The following ABHD2 variants were observed in gnomAD, a reference collection of about 807,000 sequenced individuals.
ABHD2 encodes the protein monoacylglycerol lipase ABHD2.
In ABHD2, 20 loss-of-function variants were observed where a neutral mutation model predicts 48.1. The ratio of observed to expected loss-of-function variants is 0.42; its 90% CI spans 0.29 to 0.60. The LOEUF is 0.60. Among genes scored for constraint, ABHD2 ranks in the 20% least tolerant of loss-of-function variants. The pLI, the probability that ABHD2 is intolerant of heterozygous loss-of-function variation, is 0.24. For synonymous variants in ABHD2, 209 were observed against 214.2 expected (o/e 0.98, Z 0.21); for missense variants, 405 against 550.9 (o/e 0.74, Z 2.65).
rs2150767860 is a variant in ABHD2 at position 89,091,039 on chromosome 15, A to G, written c.-107+2476A>G. On this transcript the variant is annotated intron_variant, in intron 1 of 10. Coordinates refer to ENST00000352732, the MANE Select transcript of ABHD2 (RefSeq NM_152924.5). The surrounding 1 kb of genome is among the most constrained non-coding windows in gnomAD (Gnocchi z 5.5). Reference sequence around the variant, plus strand: ...ATCTGTGTTTTTCCTGTTCTTTTCCAAAGCTTGAAATAAACCAGATGGCAA... The same window carrying G: ...ATCTGTGTTTTTCCTGTTCTTTTCCGAAGCTTGAAATAAACCAGATGGCAA... Among the ~76,000 whole-genome samples the G allele has an allele frequency of 6.6e-6, 1 of 152,302 alleles. No individual in the cohort carries two copies. The highest frequency in any genetic ancestry group is 2.4e-5 in the African/African-American group (1 of 41,558).
chr15:89,120,346 G>C lies in ABHD2; in HGVS notation c.194+3825G>C, dbSNP rs1009165372. Among the ~76,000 whole-genome samples the C allele has an allele frequency of 2.6e-5, 4 of 151,956 alleles. No individual in the cohort carries two copies. The highest frequency in any genetic ancestry group is 6.6e-5 in the Admixed American group (1 of 15,252). On this transcript the variant is annotated intron_variant, in intron 3 of 10. Coordinates refer to ENST00000352732, the MANE Select transcript of ABHD2 (RefSeq NM_152924.5). This position sits in a 1 kb window ranked among gnomAD's most constrained non-coding sequence, Gnocchi z 4.2. The stretch of plus-strand genomic sequence containing the variant: ...TTTACTTTTAGTGAAACAAGCAGAC[G>C]CCCAGTTCGGAATTATGACAAAAAT...
At chr15:89,061,368 A>T in the ABHD2 span, among the ~76,000 whole-genome samples, 6 of 152,076 alleles carry the variant, frequency 3.9e-5, no homozygotes, top group Admixed American at 3.3e-4. Context: ...CAGTGAGCTG[A>T]GATCACACCA....
the ABHD2 span, among the ~76,000 whole-genome samples, chr15:89,056,585 G>T: frequency 6.6e-6 from 1 of 152,124 alleles, no homozygotes; most frequent in Non-Finnish European, 1.5e-5. Flanking sequence ...GGAATTTGCA[G>T]TGAGCCGAGT....
At chr15:89,159,798 A>T (rs575979741) in intron 5 of ABHD2, among the ~76,000 whole-genome samples, 1 of 151,834 alleles carries the variant, frequency 6.6e-6, no homozygotes, top group African/African-American at 2.4e-5. Flanking sequence ...ATTTTATTTC[A>T]TCAGAATTTT....
At chr15:89,070,984 C>G in the ABHD2 span, among the ~76,000 whole-genome samples, 8 of 152,150 alleles carry the variant, frequency 5.3e-5, no homozygotes, top group East Asian at 7.7e-4. Flanking sequence ...GTGTGCCCCC[C>G]GCTTGCTCTC....
At chr15:89,054,496 C>T in the ABHD2 span, among the ~76,000 whole-genome samples, 2 of 151,726 alleles carry the variant, frequency 1.3e-5, no homozygotes, top group Admixed American at 1.3e-4. Flanking sequence ...GCCTGACCAA[C>T]AGGATGAAAC....
At chr15:89,070,917 T>C in the ABHD2 span, among the ~76,000 whole-genome samples, 290 of 152,112 alleles carry the variant, frequency 1.9e-3, no homozygotes, top group Middle Eastern at 0.01. Context: ...GGCTCTGCCG[T>C]CCGGAAGGGC....
At chr15:89,122,430 G>T (rs1345055216) in intron 3 of ABHD2, among the ~76,000 whole-genome samples, 1 of 152,190 alleles carries the variant, frequency 6.6e-6, no homozygotes, top group African/African-American at 2.4e-5. Context: ...AGTGAACGAT[G>T]TTCTCATTTT....
intron 3 of ABHD2, among the ~76,000 whole-genome samples, chr15:89,122,520 G>C (rs2050068121): frequency 6.6e-6 from 1 of 152,216 alleles, no homozygotes; most frequent in Non-Finnish European, 1.5e-5. Context: ...AGGGAATCAG[G>C]TGTACCTTCA....
At chr15:89,194,750 G>T (rs760117863) in intron 10 of ABHD2, among the ~76,000 whole-genome samples, 1 of 152,074 alleles carries the variant, frequency 6.6e-6, no homozygotes, top group African/African-American at 2.4e-5. Flanking sequence ...ATCAAAATCC[G>T]CATTTTAATA....
chr15:89,108,270 C>G (rs1485847451), intron 1 of ABHD2, among the ~76,000 whole-genome samples: 1 of 152,184 alleles, frequency 6.6e-6, no homozygotes, highest in African/African-American at 2.4e-5. Context: ...AAGACTGTTC[C>G]CTGCTTGTCT....
chr15:89,049,646 G>A, the ABHD2 span, among the ~76,000 whole-genome samples: 852 of 152,324 alleles, frequency 5.6e-3, 10 homozygotes, highest in African/African-American at 0.02. Context: ...GGAGTGACCC[G>A]ATTTTCCAGG....
At chr15:89,044,829 G>A in the ABHD2 span, among the ~76,000 whole-genome samples, 1 of 152,072 alleles carries the variant, frequency 6.6e-6, no homozygotes, top group African/African-American at 2.4e-5. Flanking sequence ...AGTAGGTTGT[G>A]AAAATTTCCT....
chr15:89,058,304 A>G, the ABHD2 span, among the ~76,000 whole-genome samples: 3 of 151,990 alleles, frequency 2.0e-5, no homozygotes, highest in Non-Finnish European at 2.9e-5. Context: ...AGCTTCCTCC[A>G]CACCCACACC....
intron 3 of ABHD2, among the ~76,000 whole-genome samples, chr15:89,135,395 T>C (rs1399353596): frequency 1.3e-5 from 2 of 151,502 alleles, no homozygotes; most frequent in Non-Finnish European, 2.9e-5. Context: ...TTTGGTAGTG[T>C]GTTAACTATA....
In ABHD2 at chr15:89,146,294, ACT is replaced by A. The variant is rs925423630; in HGVS notation, c.195-5378_195-5377del. On this transcript the variant is annotated intron_variant, in intron 3 of 10. Transcript: ENST00000352732. The surrounding 1 kb of genome is among the most constrained non-coding windows in gnomAD (Gnocchi z 4.2). ...AGCATCAGTCAACTTTATTTTTTCA[ACT>A]CTCTTTTTAAAACACCAGCTGTCCG... Among the ~76,000 whole-genome samples, 3 of 145,752 alleles carry A rather than the reference ACT, an allele frequency of 2.1e-5. No individual in the cohort carries two copies. Among genetic ancestry groups the A allele is most frequent in the East Asian group, 2.0e-4 (1 of 4,996 alleles).
chr15:89,073,170 C>G, the ABHD2 span, among the ~76,000 whole-genome samples: 4 of 152,164 alleles, frequency 2.6e-5, no homozygotes, highest in Non-Finnish European at 5.9e-5. Flanking sequence ...AAAATTCCCA[C>G]TTCTACAGAG....
chr15:89,201,931 T>TTTTTTAATGATAC lies in ABHD2; in HGVS notation c.*6508_*6509insTTTTTAATGATAC. 7.5e-6 allele frequency: 4 copies of TTTTTTAATGATAC among 533,412 alleles called. No individual in the cohort carries two copies. Among genetic ancestry groups the TTTTTTAATGATAC allele is most frequent in the Admixed American group, 3.6e-5 (1 of 27,624 alleles). The allele number at this position is 533,412 out of a possible 1,614,324, so 33.0% of individuals were successfully genotyped here. On this transcript the variant is annotated 3_prime_UTR_variant, in exon 11 of 11. Coordinates refer to ENST00000352732, the MANE Select transcript of ABHD2 (RefSeq NM_152924.5). The stretch of plus-strand genomic sequence containing the variant: ...ACTCTGTTCAACCACATTCTTATGT[T>TTTTTTAATGATAC]GGCAGATCTGCTTCCAGATTGATTT...
intron 1 of ABHD2, among the ~76,000 whole-genome samples, chr15:89,109,242 G>T (rs1389250140): frequency 1.3e-5 from 2 of 152,236 alleles, no homozygotes; most frequent in East Asian, 3.8e-4. Context: ...TTGTCTTAGA[G>T]ACCAGGGGCA....
Sources: gnomAD v4.1 joint callset for allele counts (sites outside exome capture counted in the v4.1 genomes callset) on GRCh38, gnomAD v4.1.1 for gene constraint, Gnocchi (gnomAD v3.1) non-coding constraint, MANE v1.5 for transcripts, NCBI Gene and HGNC (gene_info 2026-07-23, HGNC 2026-07-21) for gene names.